Variants in AFF3 observed in about 807,000 individuals in gnomAD.
AFF3 encodes AF4/FMR2 family member 3.
A neutral mutation model predicts 129.7 loss-of-function variants in AFF3; 32 were observed. The ratio of observed to expected loss-of-function variants is 0.25; its 90% CI spans 0.19 to 0.33. The LOEUF (loss-of-function observed/expected upper bound fraction) is 0.33, where lower values mean the gene tolerates loss of function less well. Among genes scored for constraint, AFF3 ranks in the 10% least tolerant of loss-of-function variants. The pLI is 1.00. For missense variants in AFF3, 1,373 were observed against 1,592.0 expected (o/e 0.86, Z 2.34); for synonymous variants, 644 against 635.4 (o/e 1.01, Z -0.20).
chr2:99,689,911 A>AC (rs1244650346), intron 11 of AFF3, among the ~76,000 whole-genome samples: 1 of 151,004 alleles, frequency 6.6e-6, no homozygotes, highest in South Asian at 2.1e-4. Flanking sequence ...ATATGGTGAG[A>AC]CCCCATCTCT....
intron 7 of AFF3, among the ~76,000 whole-genome samples, chr2:99,977,841 C>A (rs1006211454): frequency 3.3e-5 from 5 of 152,192 alleles, no homozygotes; most frequent in Non-Finnish European, 7.3e-5. Context: ...AACCTCTGGT[C>A]AAACCTCATC....
At chr2:100,006,605 A>T in intron 7 of AFF3, 27 bp downstream of exon 7, 1 of 1,578,028 alleles carries the variant, frequency 6.3e-7, no homozygotes, top group South Asian at 1.1e-5. Context: ...ATGCAGTTGC[A>T]TGTGAACGGT....
intron 4 of AFF3, among the ~76,000 whole-genome samples, chr2:100,036,134 T>TAAAAAA (rs59136725): frequency 1.6e-5 from 1 of 64,340 alleles, no homozygotes; most frequent in African/African-American, 7.0e-5. Context: ...AATACAGTGC[T>TAAAAAA]AAAAAAAAAA....
chr2:99,667,322 G>A (rs887389410), intron 12 of AFF3, among the ~76,000 whole-genome samples: 1 of 152,104 alleles, frequency 6.6e-6, no homozygotes, highest in Admixed American at 6.6e-5. Context: ...ACTGAATGAC[G>A]ATGAAATACA....
At chr2:100,126,059 G>T (rs996390663) in intron 2 of AFF3, among the ~76,000 whole-genome samples, 1 of 152,210 alleles carries the variant, frequency 6.6e-6, no homozygotes, top group African/African-American at 2.4e-5. Flanking sequence ...AAAAAGAGAA[G>T]AAAATGCTAC....
intron 10 of AFF3, among the ~76,000 whole-genome samples, chr2:99,730,617 C>A (rs182167786): frequency 2.0e-5 from 3 of 150,624 alleles, no homozygotes; most frequent in Admixed American, 6.6e-5. Context: ...GGGTTCAAAG[C>A]GATTCTCCTG....
At chr2:99,908,151 C>T (rs1220546166) in intron 7 of AFF3, among the ~76,000 whole-genome samples, 1 of 152,172 alleles carries the variant, frequency 6.6e-6, no homozygotes, top group African/African-American at 2.4e-5. Flanking sequence ...TGCCACTGAA[C>T]ATAGTTTTCA....
At position 99,607,340 on chromosome 2, in the gene AFF3, G is replaced by A. The variant is rs548539565; in HGVS notation, c.1185-5719C>T. On this transcript the variant is annotated intron_variant, in intron 13 of 24. Transcript: ENST00000672756. ...AAGGTCAAGAGTTTGAGACCAGCCC[G>A]GCCAACATAGTAAAACCCCGTCTCT... 1.2e-4 allele frequency among the ~76,000 whole-genome samples: 19 copies of A among 152,164 alleles called. No homozygotes were observed. In the East Asian group the frequency reaches 2.9e-3, roughly 23 times the overall value.
intron 7 of AFF3, among the ~76,000 whole-genome samples, chr2:99,879,307 G>A (rs1213812967): frequency 6.6e-6 from 1 of 152,062 alleles, no homozygotes; most frequent in African/African-American, 2.4e-5. Context: ...ACCATCCATA[G>A]TATCACATCC....
intron 7 of AFF3, among the ~76,000 whole-genome samples, chr2:99,945,836 T>A (rs1322284392): frequency 6.6e-6 from 1 of 152,056 alleles, no homozygotes; most frequent in African/African-American, 2.4e-5. Flanking sequence ...ACAAAGGCTG[T>A]CAACAAAAGC....
chr2:99,988,291 G>C (rs56127672), intron 7 of AFF3, among the ~76,000 whole-genome samples: 2,244 of 152,292 alleles, frequency 0.015, 22 homozygotes, highest in Non-Finnish European at 0.023. Context: ...ACTTCATCAG[G>C]CAGGGTGAGT....
intron 18 of AFF3, among the ~76,000 whole-genome samples, chr2:99,569,829 C>T (rs1454670823): frequency 6.6e-6 from 1 of 152,124 alleles, no homozygotes; most frequent in Non-Finnish European, 1.5e-5. Flanking sequence ...GGAGATTCGA[C>T]GGAAGTAGTG....
chr2:100,115,659 A>G (rs1346554808), intron 2 of AFF3, among the ~76,000 whole-genome samples: 2 of 152,160 alleles, frequency 1.3e-5, no homozygotes, highest in African/African-American at 2.4e-5. Flanking sequence ...AGATCTTTCT[A>G]TTCTTACTGA....
intron 7 of AFF3, among the ~76,000 whole-genome samples, chr2:99,980,508 C>T (rs1431649872): frequency 6.6e-6 from 1 of 152,228 alleles, no homozygotes; most frequent in African/African-American, 2.4e-5. Context: ...GACAGATATA[C>T]CCTATGAAAG....
chr2:100,138,921 G>T (rs1177515140), intron 1 of AFF3, among the ~76,000 whole-genome samples: 1 of 139,282 alleles, frequency 7.2e-6, no homozygotes, highest in Admixed American at 7.5e-5. Flanking sequence ...CTCCAGCCTG[G>T]GTAACAGAGC....
At chr2:100,119,458 C>G (rs1189407182) in intron 2 of AFF3, among the ~76,000 whole-genome samples, 2 of 152,178 alleles carry the variant, frequency 1.3e-5, no homozygotes, top group African/African-American at 4.8e-5. Flanking sequence ...TGCTTAATTC[C>G]TAACCTGGTC....
At chr2:99,903,801 A>T (rs572880523) in intron 7 of AFF3, among the ~76,000 whole-genome samples, 2 of 152,160 alleles carry the variant, frequency 1.3e-5, no homozygotes, top group Non-Finnish European at 2.9e-5. Flanking sequence ...ATGCCATTTT[A>T]TCATTGCTAA....
At chr2:99,991,627 G>A (rs1680343625) in intron 7 of AFF3, among the ~76,000 whole-genome samples, 1 of 152,206 alleles carries the variant, frequency 6.6e-6, no homozygotes, top group Non-Finnish European at 1.5e-5. Context: ...AATGGGCCGG[G>A]CGCAGGGGCT....
chr2:99,870,340 C>A (rs947900931), intron 7 of AFF3, among the ~76,000 whole-genome samples: 1 of 152,218 alleles, frequency 6.6e-6, no homozygotes, highest in East Asian at 1.9e-4. Context: ...CACCCACAAC[C>A]CTCTGGACCT....
Sources: allele counts gnomAD v4.1 joint callset (sites outside exome capture counted in the v4.1 genomes callset), GRCh38; gene constraint gnomAD v4.1.1; transcripts MANE v1.5; gene names NCBI Gene and HGNC (gene_info 2026-07-23, HGNC 2026-07-21).